The following DNAJC1 variants were observed in gnomAD, a reference collection of about 807,000 sequenced individuals.
DNAJC1 encodes DnaJ heat shock protein family (Hsp40) member C1.
A neutral mutation model predicts 76.6 loss-of-function variants in DNAJC1; 58 were observed. The observed-to-expected ratio is 0.76, with a 90% CI of 0.61 to 0.94. The LOEUF is 0.94. Among genes scored for constraint, DNAJC1 ranks in the 40% least tolerant of loss-of-function variants. DNAJC1 has a pLI of 0.00. For missense variants in DNAJC1, 689 were observed against 677.3 expected, an observed-to-expected ratio of 1.02 and a Z score of -0.19; for synonymous variants, 258 against 267.9, an observed-to-expected ratio of 0.96 and a Z score of 0.36.
chr10:22,001,514 T>C (rs1838518192), intron 1 of DNAJC1, among the ~76,000 whole-genome samples: 1 of 152,240 alleles, frequency 6.6e-6, no homozygotes, highest in Admixed American at 6.5e-5. Context: ...AGAATCTTCT[T>C]GATTATCTAT....
intron 9 of DNAJC1, among the ~76,000 whole-genome samples, chr10:21,795,832 G>C (rs954752477): frequency 2.0e-5 from 3 of 151,860 alleles, no homozygotes; most frequent in African/African-American, 4.8e-5. Flanking sequence ...TCTATTTTTT[G>C]CTTCTGTGAA....
intron 6 of DNAJC1, among the ~76,000 whole-genome samples, chr10:21,912,363 CT>C (rs1002531228): frequency 2.0e-5 from 3 of 152,064 alleles, no homozygotes; most frequent in Non-Finnish European, 2.9e-5. Flanking sequence ...CATTTTGTGG[CT>C]TTTTATCTTT....
intron 7 of DNAJC1, among the ~76,000 whole-genome samples, chr10:21,902,815 AT>A (rs919637384): frequency 6.7e-6 from 1 of 148,534 alleles, no homozygotes; most frequent in Admixed American, 6.6e-5. Context: ...AAATTATAAT[AT>A]TTTTTTTAAC....
intron 9 of DNAJC1, among the ~76,000 whole-genome samples, chr10:21,767,283 T>G (rs553034851): frequency 3.3e-5 from 5 of 152,126 alleles, no homozygotes; most frequent in African/African-American, 7.2e-5. Context: ...CAGAAAGAAT[T>G]TGGTCTGGTG....
intron 1 of DNAJC1, among the ~76,000 whole-genome samples, chr10:21,994,643 T>TA: frequency 6.6e-6 from 1 of 151,838 alleles, no homozygotes; most frequent in East Asian, 1.9e-4. Flanking sequence ...AAAAAAAAAT[T>TA]AGACAGGCAT....
At chr10:21,814,553 A>G (rs1835043413) in intron 8 of DNAJC1, among the ~76,000 whole-genome samples, 1 of 152,234 alleles carries the variant, frequency 6.6e-6, no homozygotes, top group African/African-American at 2.4e-5. Context: ...AATGCTTCTT[A>G]GGGAAGAATG....
At chr10:21,880,159 G>A (rs1328437688) in intron 8 of DNAJC1, among the ~76,000 whole-genome samples, 4 of 152,184 alleles carry the variant, frequency 2.6e-5, no homozygotes, top group South Asian at 2.1e-4. Context: ...TGGGATTGCA[G>A]CAATTCAGTC....
intron 9 of DNAJC1, among the ~76,000 whole-genome samples, chr10:21,788,485 C>T (rs187741061): frequency 2.6e-5 from 4 of 152,296 alleles, no homozygotes; most frequent in African/African-American, 9.6e-5. Flanking sequence ...ACTCCAGTAC[C>T]CTGCTTCTCT....
At chr10:21,916,261 G>A (rs1291693457) in intron 6 of DNAJC1, among the ~76,000 whole-genome samples, 2 of 152,134 alleles carry the variant, frequency 1.3e-5, no homozygotes, top group African/African-American at 4.8e-5. Context: ...TGGCTGAGGT[G>A]GGCGGATCAT....
intron 9 of DNAJC1, 108 bp downstream of exon 9, chr10:21,805,871 GT>G: frequency 7.0e-7 from 1 of 1,436,682 alleles, no homozygotes; most frequent in East Asian, 2.3e-5. Flanking sequence ...TAAAAGGATT[GT>G]TGTATCCCCT....
intron 8 of DNAJC1, among the ~76,000 whole-genome samples, chr10:21,853,228 A>G (rs1349776312): frequency 6.6e-6 from 1 of 152,146 alleles, no homozygotes; most frequent in Non-Finnish European, 1.5e-5. Context: ...CTGGCCTGCT[A>G]TATCTTATTT....
At chr10:21,888,657 T>C (rs999510566) in intron 7 of DNAJC1, among the ~76,000 whole-genome samples, 1 of 152,218 alleles carries the variant, frequency 6.6e-6, no homozygotes, top group African/African-American at 2.4e-5. Flanking sequence ...CTGTTATCCT[T>C]AGCAAACTAA....
intron 8 of DNAJC1, among the ~76,000 whole-genome samples, chr10:21,837,791 C>G (rs1404121349): frequency 1.3e-5 from 2 of 148,424 alleles, no homozygotes; most frequent in East Asian, 2.1e-4. Context: ...GGGGGCAGCC[C>G]CCGCCCGGCC....
At chr10:21,877,930 A>G (rs1836213158) in intron 8 of DNAJC1, among the ~76,000 whole-genome samples, 2 of 152,242 alleles carry the variant, frequency 1.3e-5, no homozygotes, top group South Asian at 2.1e-4. Flanking sequence ...TATGTACTGC[A>G]TTCTTACAAT....
intron 8 of DNAJC1, among the ~76,000 whole-genome samples, chr10:21,845,959 A>G (rs1206631896): frequency 1.3e-5 from 2 of 152,180 alleles, no homozygotes; most frequent in Non-Finnish European, 2.9e-5. Context: ...AGATTTCCTT[A>G]ACCACCTCTA....
chr10:21,773,547 A>C (rs1468311408), intron 9 of DNAJC1, among the ~76,000 whole-genome samples: 2 of 152,194 alleles, frequency 1.3e-5, no homozygotes, highest in Admixed American at 1.3e-4. Context: ...ATGTCCTAGC[A>C]TATAGTCTAT....
intron 7 of DNAJC1, among the ~76,000 whole-genome samples, chr10:21,885,880 G>C (rs1372071272): frequency 2.0e-5 from 3 of 152,094 alleles, no homozygotes; most frequent in Admixed American, 2.0e-4. Flanking sequence ...ACATCAAAAA[G>C]TCAGAAAGAT....
At chr10:21,910,667 G>T (rs1245112856) in intron 6 of DNAJC1, among the ~76,000 whole-genome samples, 1 of 151,966 alleles carries the variant, frequency 6.6e-6, no homozygotes, top group African/African-American at 2.4e-5. Context: ...GTGGTGGGGT[G>T]GGAAGAGGGT....
At chr10:21,864,404 G>A (rs1203805705) in intron 8 of DNAJC1, among the ~76,000 whole-genome samples, 1 of 152,098 alleles carries the variant, frequency 6.6e-6, no homozygotes, top group Non-Finnish European at 1.5e-5. Context: ...GGTGGATCAC[G>A]AGGTCAGGAG....
Sources: gnomAD v4.1 joint callset for allele counts (sites outside exome capture counted in the v4.1 genomes callset) on GRCh38, gnomAD v4.1.1 for gene constraint, MANE v1.5 for transcripts, NCBI Gene and HGNC (gene_info 2026-07-23, HGNC 2026-07-21) for gene names.